Variants in XYLT1 observed in about 807,000 individuals in gnomAD.
XYLT1 encodes xylosyltransferase 1.
A neutral mutation model predicts 91.3 loss-of-function variants in XYLT1; 36 were observed. That is an observed-to-expected ratio of 0.39 (90% CI 0.30 to 0.52). The LOEUF is 0.52. XYLT1 is among the 20% of genes least tolerant of loss of function. The pLI is 0.68. For missense variants in XYLT1, 1,242 were observed against 1,284.5 expected, an observed-to-expected ratio of 0.97 and a Z score of 0.51; for synonymous variants, 588 against 532.0, an observed-to-expected ratio of 1.11 and a Z score of -1.45.
At chr16:17,253,728 C>T (rs775406817) in intron 3 of XYLT1, among the ~76,000 whole-genome samples, 3 of 152,130 alleles carry the variant, frequency 2.0e-5, no homozygotes, top group Non-Finnish European at 2.9e-5. Flanking sequence ...TTCAGATCCA[C>T]GTGGTCTGCC....
intron 5 of XYLT1, among the ~76,000 whole-genome samples, chr16:17,175,381 C>A (rs756043460): frequency 6.6e-6 from 1 of 152,126 alleles, no homozygotes. Flanking sequence ...TGTTACATAT[C>A]GGCTCAGTTT....
At chr16:17,181,585 C>G (rs1295295310) in intron 5 of XYLT1, among the ~76,000 whole-genome samples, 1 of 152,126 alleles carries the variant, frequency 6.6e-6, no homozygotes, top group Non-Finnish European at 1.5e-5. Flanking sequence ...GGAGGGCACT[C>G]TAGCCTGCTG....
chr16:17,319,536 G>A (rs2034685684), intron 2 of XYLT1, among the ~76,000 whole-genome samples: 2 of 151,594 alleles, frequency 1.3e-5, no homozygotes, highest in South Asian at 4.2e-4. Context: ...TCTGCCTCCC[G>A]GATTCAAGCG....
chr16:17,339,045 A>G (rs1295464603), intron 2 of XYLT1, among the ~76,000 whole-genome samples: 1 of 152,238 alleles, frequency 6.6e-6, no homozygotes, highest in African/African-American at 2.4e-5. Context: ...AAAGAGAGAG[A>G]TAGATGGTGA....
At chr16:17,202,729 T>C (rs1017478740) in intron 3 of XYLT1, among the ~76,000 whole-genome samples, 1 of 152,212 alleles carries the variant, frequency 6.6e-6, no homozygotes, top group Non-Finnish European at 1.5e-5. Flanking sequence ...TAACACTGTC[T>C]GCAATTGTTT....
intron 11 of XYLT1, among the ~76,000 whole-genome samples, chr16:17,113,482 C>G (rs1296041553): frequency 6.6e-6 from 1 of 152,184 alleles, no homozygotes; most frequent in Non-Finnish European, 1.5e-5. Flanking sequence ...GCTCAGAACT[C>G]CTGTAACCCT....
chr16:17,335,423 T>A (rs982876055), intron 2 of XYLT1, among the ~76,000 whole-genome samples: 8 of 151,898 alleles, frequency 5.3e-5, no homozygotes, highest in Non-Finnish European at 1.0e-4. Context: ...TTTAAAATCA[T>A]TCATCGAGTG....
At chr16:17,301,492 A>G (rs1409551034) in intron 2 of XYLT1, among the ~76,000 whole-genome samples, 1 of 152,180 alleles carries the variant, frequency 6.6e-6, no homozygotes, top group Admixed American at 6.5e-5. Context: ...CTTTTCCCAC[A>G]GTATTTAATT....
chr16:17,406,384 T>C (rs892991207), intron 1 of XYLT1, among the ~76,000 whole-genome samples: 1 of 152,166 alleles, frequency 6.6e-6, no homozygotes, highest in Admixed American at 6.5e-5. Flanking sequence ...CTGTGTGACT[T>C]AGAGCACACT....
intron 1 of XYLT1, among the ~76,000 whole-genome samples, chr16:17,445,620 C>T (rs1488055839): frequency 6.6e-6 from 1 of 152,224 alleles, no homozygotes; most frequent in Admixed American, 6.5e-5. Context: ...CACCCAGTGC[C>T]GCCCCAGCAT....
chr16:17,263,583 A>G (rs1039072425), intron 2 of XYLT1, among the ~76,000 whole-genome samples: 2 of 151,832 alleles, frequency 1.3e-5, no homozygotes, highest in African/African-American at 2.4e-5. Context: ...CGCTTCCAGA[A>G]AAGTCAGAGA....
chr16:17,433,592 G>C (rs1202863880), intron 1 of XYLT1, among the ~76,000 whole-genome samples: 1 of 152,152 alleles, frequency 6.6e-6, no homozygotes, highest in Non-Finnish European at 1.5e-5. Flanking sequence ...ACTAGGACTT[G>C]GGATGGCCCA....
intron 10 of XYLT1, 34 bp from the exon 11 acceptor site, chr16:17,118,013 G>A: frequency 6.3e-7 from 1 of 1,582,578 alleles, no homozygotes; most frequent in Non-Finnish European, 8.6e-7. Context: ...AAGTCACTGG[G>A]CCTGAACTAG....
At chr16:17,211,054 A>C (rs190628674) in intron 3 of XYLT1, among the ~76,000 whole-genome samples, 1 of 152,356 alleles carries the variant, frequency 6.6e-6, no homozygotes, top group African/African-American at 2.4e-5. Context: ...ACTTATGGCC[A>C]TGATGCAAAA....
intron 1 of XYLT1, among the ~76,000 whole-genome samples, chr16:17,384,781 C>T (rs1055708202): frequency 2.0e-5 from 3 of 151,874 alleles, no homozygotes; most frequent in Admixed American, 6.6e-5. Context: ...GGAGCAGCTC[C>T]GAGGGTGAGT....
chr16:17,450,611 C>T lies in XYLT1; in HGVS notation c.363+19823G>A, dbSNP rs548851533. On this transcript the variant is annotated intron_variant, in intron 1 of 11. Transcript: ENST00000261381. ...AGAATCCCTCAGACCATTTTAAAGA[C>T]GGGGAAACAGAGAACCTGAAAGGCA... Among the ~76,000 whole-genome samples the T allele has an allele frequency of 2.6e-4, 39 of 152,208 alleles. No homozygotes were observed. In the South Asian group the frequency reaches 5.4e-3, roughly 21 times the overall value.
intron 1 of XYLT1, among the ~76,000 whole-genome samples, chr16:17,404,109 G>C (rs28456097): frequency 0.021 from 3,199 of 152,114 alleles, 105 homozygotes; most frequent in African/African-American, 0.072. Flanking sequence ...TTGGGGGGGG[G>C]GCTCAGGGAG....
chr16:17,119,683 A>G (rs1266797848), intron 10 of XYLT1, among the ~76,000 whole-genome samples: 1 of 152,210 alleles, frequency 6.6e-6, no homozygotes, highest in Non-Finnish European at 1.5e-5. Flanking sequence ...CATAAAGGGG[A>G]GACCCTTGTC....
intron 3 of XYLT1, among the ~76,000 whole-genome samples, chr16:17,246,866 G>A (rs1471104873): frequency 6.6e-6 from 1 of 152,172 alleles, no homozygotes; most frequent in Non-Finnish European, 1.5e-5. Context: ...GTGGGCTACA[G>A]AGCACTCCAG....
Sources: allele counts gnomAD v4.1 joint callset (sites outside exome capture counted in the v4.1 genomes callset), GRCh38; gene constraint gnomAD v4.1.1; transcripts MANE v1.5; gene names NCBI Gene and HGNC (gene_info 2026-07-23, HGNC 2026-07-21).